The following MORN1 variants were observed in gnomAD, a reference collection of about 807,000 sequenced individuals.
MORN1 encodes the protein MORN repeat-containing protein 1.
In MORN1, 67 loss-of-function variants were observed where a neutral mutation model predicts 61.9. The observed-to-expected ratio is 1.08, with a 90% CI of 0.89 to 1.33. The LOEUF (loss-of-function observed/expected upper bound fraction) is 1.33, where lower values mean the gene tolerates loss of function less well. MORN1 is among the 40% of genes most tolerant of loss of function. MORN1 has a pLI of 0.00. For missense variants in MORN1, 752 were observed against 691.2 expected (o/e 1.09, Z -0.99); for synonymous variants, 301 against 292.0 (o/e 1.03, Z -0.31).
intron 12 of MORN1, among the ~76,000 whole-genome samples, chr1:2,335,400 A>G (rs1229123961): frequency 6.6e-6 from 1 of 152,184 alleles, no homozygotes; most frequent in African/African-American, 2.4e-5. Context: ...GGGCAGAGGC[A>G]GAGGAGGTCT....
At chr1:2,350,422 CTT>C (rs753668599) in intron 10 of MORN1, 2 of 152,208 alleles carry the variant, frequency 1.3e-5, no homozygotes, top group East Asian at 3.9e-4. Context: ...GATTTGCCCT[CTT>C]TGTCGATTTA....
At chr1:2,324,167 C>T in intron 12 of MORN1, 24 bp from the exon 13 acceptor site, 1 of 1,584,454 alleles carries the variant, frequency 6.3e-7, no homozygotes, top group Non-Finnish European at 8.6e-7. Context: ...ACAGTGAGGC[C>T]CCTGAATGCC....
chr1:2,341,236 A>G (rs1046005343), intron 10 of MORN1, among the ~76,000 whole-genome samples: 7 of 152,012 alleles, frequency 4.6e-5, no homozygotes, highest in Admixed American at 3.9e-4. Flanking sequence ...GCGGTCCCCA[A>G]CTGGTCCTGG....
chr1:2,362,846 A>G (rs951442240), intron 8 of MORN1, among the ~76,000 whole-genome samples: 1 of 151,884 alleles, frequency 6.6e-6, no homozygotes, highest in Non-Finnish European at 1.5e-5. Context: ...CCTGGGTGAC[A>G]GAGCAGAACT....
chr1:2,385,314 C>T lies in MORN1; in HGVS notation c.450-249G>A, dbSNP rs1425115720. 3.4e-5 allele frequency: 19 copies of T among 557,202 alleles called. No individual in the cohort carries two copies. The East Asian group carries it at 5.7e-4, about 17-fold the overall frequency. The allele number at this position is 557,202 out of a possible 1,614,324, so 34.5% of individuals were successfully genotyped here. A position where few individuals can be genotyped will look rare whatever the true frequency, so the allele number is the denominator to read the frequency against. Reference sequence around the variant, plus strand: ...CTCGGGACGCACTCAGCTTCCGCTACTCAAAATGGGAAATGACCCAGGAGA... The same window carrying T: ...CTCGGGACGCACTCAGCTTCCGCTATTCAAAATGGGAAATGACCCAGGAGA... On this transcript the variant is annotated intron_variant, in intron 5 of 13. Transcript: ENST00000378531.
At chr1:2,344,576 G>A (rs929696556) in intron 10 of MORN1, among the ~76,000 whole-genome samples, 4 of 152,296 alleles carry the variant, frequency 2.6e-5, no homozygotes, top group Middle Eastern at 3.4e-3. Flanking sequence ...CGTGTGGGCC[G>A]GGCTGTGCAA....
At chr1:2,388,775 CAAAA>C (rs57362688) in intron 2 of MORN1, among the ~76,000 whole-genome samples, 25,589 of 61,366 alleles carry the variant, frequency 0.42, 2,813 homozygotes, top group East Asian at 0.59. Context: ...AAGACTGTCT[CAAAA>C]AAAAAAAAAA....
chr1:2,322,090 G>A (rs1217883051), intron 13 of MORN1: 6 of 985,254 alleles, frequency 6.1e-6, no homozygotes, highest in East Asian at 1.1e-4. Flanking sequence ...CCACACCCGC[G>A]CTGGGGCTCT....
At chr1:2,330,811 C>T (rs1294755925) in intron 12 of MORN1, among the ~76,000 whole-genome samples, 1 of 152,190 alleles carries the variant, frequency 6.6e-6, no homozygotes, top group African/African-American at 2.4e-5. Flanking sequence ...TATCATGAAG[C>T]ATGGAATGAG....
chr1:2,373,957 G>A (rs1642179490), intron 7 of MORN1, among the ~76,000 whole-genome samples: 1 of 152,258 alleles, frequency 6.6e-6, no homozygotes, highest in African/African-American at 2.4e-5. Context: ...CCTGTGTCGT[G>A]AACTTGGCCC....
chr1:2,354,525 C>T (rs1277030574), intron 10 of MORN1, among the ~76,000 whole-genome samples: 1 of 152,184 alleles, frequency 6.6e-6, no homozygotes, highest in South Asian at 2.1e-4. Flanking sequence ...CGAGATCACG[C>T]CACTGCACTC....
chr1:2,391,534 C>T lies in MORN1; in HGVS notation c.-1G>A. 4 of 1,250,136 alleles carry T rather than the reference C, an allele frequency of 3.2e-6. No homozygotes were observed. The highest frequency in any genetic ancestry group is 2.0e-6 in the Non-Finnish European group (2 of 990,614). 77.4% of individuals were successfully genotyped at this position (1,250,136 alleles called of 1,614,324 possible). On this transcript the variant is annotated 5_prime_UTR_variant, in exon 1 of 14. Coordinates refer to ENST00000378531, the MANE Select transcript of MORN1 (RefSeq NM_024848.3). Reference sequence around the variant, plus strand: ...GGGTGCCCTCGCCCGCCGCTGCCATCTTGCCGCCGAGGGTTCTCTTAGCGA... The same window carrying T: ...GGGTGCCCTCGCCCGCCGCTGCCATTTTGCCGCCGAGGGTTCTCTTAGCGA...
chr1:2,336,346 G>T, intron 12 of MORN1, 123 bp downstream of exon 12: 2 of 962,800 alleles, frequency 2.1e-6, no homozygotes, highest in Non-Finnish European at 3.0e-6. Flanking sequence ...GCCCGTGTAG[G>T]CTCACTGTCT....
rs1173703929 is a variant in MORN1, at chr1:2,361,109, G to A, written c.746-2394C>T. 2.6e-5 allele frequency among the ~76,000 whole-genome samples: 4 copies of A among 152,348 alleles called. No homozygotes were observed. The East Asian group carries it at 7.7e-4, about 29-fold the overall frequency. ...GATTATGAGGCATGCAAAGAATGCA[G>A]GAAAGTATGGCCCATAACAAGGAGA... On this transcript the variant is annotated intron_variant, in intron 8 of 13. Transcript: ENST00000378531.
chr1:2,388,114 C>T (rs1642548764), intron 3 of MORN1, 125 bp downstream of exon 3: 1 of 734,158 alleles, frequency 1.4e-6, no homozygotes, highest in Non-Finnish European at 2.3e-6. Flanking sequence ...CTCGGTAGGC[C>T]AGGCCTCTCA....
At chr1:2,390,163 A>G (rs1327631354) in intron 1 of MORN1, among the ~76,000 whole-genome samples, 167 bp from the exon 2 acceptor site, 2 of 152,138 alleles carry the variant, frequency 1.3e-5, no homozygotes, top group Non-Finnish European at 2.9e-5. Flanking sequence ...TCTCCTGTCG[A>G]CTGTTGGGCC....
chr1:2,325,110 TTCCC>T (rs1471530243), intron 12 of MORN1, among the ~76,000 whole-genome samples: 1 of 45,930 alleles, frequency 2.2e-5, no homozygotes, highest in Non-Finnish European at 4.0e-5. Context: ...TCCCCTTTCC[TTCCC>T]TTCCTTCCCT....
chr1:2,378,690 T>C (rs1167845717), intron 6 of MORN1: 1 of 342,960 alleles, frequency 2.9e-6, no homozygotes, highest in African/African-American at 2.1e-5. Flanking sequence ...CACTCTGATG[T>C]GCACACACAC....
At position 2,343,852 on chromosome 1, in the gene MORN1, A is replaced by C. The variant is rs544183650; in HGVS notation, c.1037-7002T>G. On this transcript the variant is annotated intron_variant, in intron 10 of 13. Transcript: ENST00000378531. ...ACTTCTTTTAGCAAAACGATGAACA[A>C]TCCACGGCCCCATTCTTCCGGAAGA... Among the ~76,000 whole-genome samples the C allele has an allele frequency of 3.3e-5, 5 of 152,290 alleles. No individual in the cohort carries two copies. The South Asian group carries it at 8.3e-4, about 25-fold the overall frequency.
Sources: allele counts gnomAD v4.1 joint callset (sites outside exome capture counted in the v4.1 genomes callset), GRCh38; gene constraint gnomAD v4.1.1; transcripts MANE v1.5; gene names NCBI Gene and HGNC (gene_info 2026-07-23, HGNC 2026-07-21).